The following DGKI variants were observed in gnomAD, a reference collection of about 807,000 sequenced individuals.
The protein encoded by DGKI is DAG kinase iota.
In DGKI, 55 loss-of-function variants were observed where a neutral mutation model predicts 147.5. The ratio of observed to expected loss-of-function variants is 0.37; its 90% CI spans 0.30 to 0.47. The LOEUF (loss-of-function observed/expected upper bound fraction) is 0.47, where lower values mean the gene tolerates loss of function less well. DGKI is among the 20% of genes least tolerant of loss of function. The pLI is 1.00. For synonymous variants in DGKI, 469 were observed against 477.1 expected (o/e 0.98, Z 0.22); for missense variants, 1,007 against 1,323.8 (o/e 0.76, Z 3.71).
intron 20 of DGKI, among the ~76,000 whole-genome samples, chr7:137,526,194 T>G (rs1281433048): frequency 6.6e-6 from 1 of 152,062 alleles, no homozygotes. Flanking sequence ...GGGAAGTTAG[T>G]AGAGCAAAGA....
chr7:137,714,925 T>C (rs1794331738), intron 1 of DGKI, among the ~76,000 whole-genome samples: 1 of 152,210 alleles, frequency 6.6e-6, no homozygotes, highest in Non-Finnish European at 1.5e-5. Context: ...TTCGTAAGTA[T>C]GAATCCTTCC....
chr7:137,527,738 C>G (rs111747318), intron 20 of DGKI, among the ~76,000 whole-genome samples: 1 of 151,882 alleles, frequency 6.6e-6, no homozygotes, highest in African/African-American at 2.4e-5. Context: ...TTTTATGAGA[C>G]AGAAAAGCAT....
chr7:137,675,201 A>G (rs192649862), intron 3 of DGKI, among the ~76,000 whole-genome samples: 19 of 152,286 alleles, frequency 1.2e-4, no homozygotes, highest in South Asian at 4.1e-4. Context: ...AGAGTCCCCA[A>G]CTACAGCATC....
chr7:137,662,313 G>A (rs13438478), intron 3 of DGKI, among the ~76,000 whole-genome samples: 4,102 of 148,552 alleles, frequency 0.028, 168 homozygotes, highest in African/African-American at 0.093. Flanking sequence ...GCGGGATCTC[G>A]GCTCACTGCA....
intron 1 of DGKI, among the ~76,000 whole-genome samples, chr7:137,828,586 T>C (rs938949219): frequency 6.6e-6 from 1 of 152,226 alleles, no homozygotes; most frequent in African/African-American, 2.4e-5. Context: ...ATCATCCTCA[T>C]GAATTATCTC....
intron 1 of DGKI, among the ~76,000 whole-genome samples, chr7:137,835,558 G>T (rs1363708406): frequency 1.3e-5 from 2 of 152,146 alleles, no homozygotes; most frequent in Non-Finnish European, 2.9e-5. Context: ...CAAAGAAAGA[G>T]CCTGACTCTA....
intron 28 of DGKI, among the ~76,000 whole-genome samples, chr7:137,442,883 C>T (rs940135714): frequency 5.9e-5 from 9 of 152,300 alleles, no homozygotes; most frequent in Non-Finnish European, 1.5e-5. Flanking sequence ...GAAATTTGCG[C>T]ATTAAGCCCT....
intron 27 of DGKI, among the ~76,000 whole-genome samples, chr7:137,461,082 T>C (rs755624869): frequency 6.6e-6 from 1 of 152,224 alleles, no homozygotes; most frequent in African/African-American, 2.4e-5. Context: ...TACCCCTATA[T>C]TGTAGGACTT....
In DGKI at chr7:137,523,217, C is replaced by T. The variant is rs199846592; in HGVS notation, c.2148-1251G>A. 9.2e-5 allele frequency among the ~76,000 whole-genome samples: 14 copies of T among 152,168 alleles called. No individual in the cohort carries two copies. In the East Asian group the frequency reaches 2.5e-3, roughly 27 times the overall value. On this transcript the variant is annotated intron_variant, in intron 20 of 32. Transcript: ENST00000614521. ...TCTCTACCTTCACTTCAAACTCACA[C>T]ACACAGAGACACAGACACACACCCA...
At chr7:137,521,468 T>A (rs924740386) in intron 21 of DGKI, among the ~76,000 whole-genome samples, 3 of 152,068 alleles carry the variant, frequency 2.0e-5, no homozygotes, top group African/African-American at 7.2e-5. Context: ...CTTTGCCACA[T>A]CTCTGTGACG....
intron 21 of DGKI, among the ~76,000 whole-genome samples, chr7:137,519,152 C>T (rs1816877637): frequency 6.6e-6 from 1 of 151,914 alleles, no homozygotes; most frequent in Admixed American, 6.6e-5. Context: ...AGAAGGATTG[C>T]CCCCCAGTGA....
intron 7 of DGKI, 49 bp from the exon 8 acceptor site, chr7:137,619,989 T>TGC (rs752632232): frequency 7.6e-7 from 1 of 1,316,448 alleles, no homozygotes; most frequent in Non-Finnish European, 1.1e-6. Flanking sequence ...AGAGTAATGC[T>TGC]GCAGCAAGAA....
At chr7:137,672,758 CTGTG>C (rs1332172750) in intron 3 of DGKI, among the ~76,000 whole-genome samples, 2 of 130,970 alleles carry the variant, frequency 1.5e-5, no homozygotes, top group African/African-American at 5.9e-5. Flanking sequence ...GTGTGTGTCT[CTGTG>C]TGTCTTTTTT....
Position 137,416,159 on chromosome 7 carries a change from G to C in DGKI, c.2762-3952C>G, listed in dbSNP as rs76878814. 6.2e-3 allele frequency among the ~76,000 whole-genome samples: 939 copies of C among 152,190 alleles called. 11 individuals are homozygous for C. The highest frequency in any genetic ancestry group is 0.022 in the African/African-American group (903 of 41,528). Reference sequence around the variant, plus strand: ...AGAAAAATGAATTAACTAACTGAAAGCATTTATGTAATAAAATTAGGTACA... The same window carrying C: ...AGAAAAATGAATTAACTAACTGAAACCATTTATGTAATAAAATTAGGTACA... On this transcript the variant is annotated intron_variant, in intron 28 of 32. Transcript: ENST00000614521.
At chr7:137,474,708 G>A (rs887811572) in intron 23 of DGKI, among the ~76,000 whole-genome samples, 3 of 152,164 alleles carry the variant, frequency 2.0e-5, no homozygotes, top group East Asian at 1.9e-4. Context: ...TTAAAATATC[G>A]TAGGGGAGAC....
chr7:137,808,653 T>A (rs998199428), intron 1 of DGKI, among the ~76,000 whole-genome samples: 2 of 152,020 alleles, frequency 1.3e-5, no homozygotes, highest in African/African-American at 4.8e-5. Flanking sequence ...CAACATGCCA[T>A]GAGAGGAGAC....
intron 19 of DGKI, among the ~76,000 whole-genome samples, chr7:137,564,829 C>T (rs147399922): frequency 1.7e-3 from 265 of 152,342 alleles, no homozygotes; most frequent in African/African-American, 5.9e-3. Flanking sequence ...AGCACAAGGG[C>T]GGTCCCTCGT....
In DGKI at chr7:137,389,670, AAGAC is replaced by A. The variant is rs1382688701; in HGVS notation, c.*1546_*1549del. 1.3e-5 allele frequency: 2 copies of A among 152,148 alleles called. No individual in the cohort carries two copies. Among genetic ancestry groups the A allele is most frequent in the Non-Finnish European group, 2.9e-5 (2 of 68,028 alleles). The allele number at this position is 152,148 out of a possible 1,614,324, so 9.4% of individuals were successfully genotyped here. On this transcript the variant is annotated 3_prime_UTR_variant, in exon 33 of 33. Coordinates refer to ENST00000614521, the MANE Select transcript of DGKI (RefSeq NM_001321708.2). ...CAAGTCAAGTAGATATTTGGACAGA[AAGAC>A]AGACATTTTCTTCTGATATTTTAGG...
At position 137,722,099 on chromosome 7, in the gene DGKI, A is replaced by G. The variant is rs1478067889; in HGVS notation, c.402-32097T>C. 3.8e-6 allele frequency: 6 copies of G among 1,598,430 alleles called. No homozygotes were observed. The African/African-American group carries it at 5.3e-5, about 14-fold the overall frequency. On this transcript the variant is annotated intron_variant, in intron 1 of 32. Transcript: ENST00000614521. ...GGTAACCTCAAGGCTAAAAAGCCCA[A>G]GAAGGGGAAGCCCCATTGCAGCCGC...
Sources: gnomAD v4.1 joint callset for allele counts (sites outside exome capture counted in the v4.1 genomes callset) on GRCh38, gnomAD v4.1.1 for gene constraint, MANE v1.5 for transcripts, NCBI Gene and HGNC (gene_info 2026-07-23, HGNC 2026-07-21) for gene names.